Variants in EXOC2 observed in about 807,000 individuals in gnomAD.
EXOC2 encodes SEC5-like 1.
In EXOC2, 70 loss-of-function variants were observed where a neutral mutation model predicts 131.8. That is an observed-to-expected ratio of 0.53 (90% confidence interval 0.44 to 0.65). EXOC2 has a LOEUF of 0.65. Among genes scored for constraint, EXOC2 ranks in the 30% least tolerant of loss-of-function variants. The pLI is 0.00. For synonymous variants in EXOC2, 411 were observed against 398.4 expected (o/e 1.03, Z -0.38); for missense variants, 923 against 1,108.6 (o/e 0.83, Z 2.38).
intron 2 of EXOC2, among the ~76,000 whole-genome samples, chr6:636,650 C>T (rs1396976700): frequency 1.3e-5 from 2 of 152,186 alleles, no homozygotes; most frequent in Non-Finnish European, 2.9e-5. Context: ...ACCTTAGTAA[C>T]AGCTCCGTCA....
chr6:640,099 A>G (rs1364742786), intron 1 of EXOC2, among the ~76,000 whole-genome samples: 3 of 152,220 alleles, frequency 2.0e-5, no homozygotes, highest in Non-Finnish European at 4.4e-5. Flanking sequence ...CTCCAGGTGT[A>G]GTGTTTGATT....
At chr6:593,074 G>C (rs188818345) in intron 10 of EXOC2, among the ~76,000 whole-genome samples, 1 of 152,092 alleles carries the variant, frequency 6.6e-6, no homozygotes, top group East Asian at 1.9e-4. Context: ...ATAAACAGCA[G>C]AGCTTTAAAA....
At chr6:497,113 A>T (rs1763788505) in intron 25 of EXOC2, among the ~76,000 whole-genome samples, 1 of 152,220 alleles carries the variant, frequency 6.6e-6, no homozygotes, top group African/African-American at 2.4e-5. Flanking sequence ...AAAATCACAA[A>T]ACTTTTGAAG....
At chr6:655,858 G>A in intron 1 of EXOC2, 1 of 338,180 alleles carries the variant, frequency 3.0e-6, no homozygotes, top group Non-Finnish European at 5.4e-6. Flanking sequence ...CCGAAAAAAA[G>A]AGTTGAAGAA....
intron 22 of EXOC2, among the ~76,000 whole-genome samples, chr6:534,826 A>G (rs750800632): frequency 1.4e-4 from 22 of 152,202 alleles, no homozygotes; most frequent in Non-Finnish European, 2.8e-4. Flanking sequence ...CTCTTTCTCT[A>G]GTATCTATAA....
At chr6:526,206 GTTTT>G (rs1184827071) in intron 23 of EXOC2, among the ~76,000 whole-genome samples, 1 of 152,112 alleles carries the variant, frequency 6.6e-6, no homozygotes, top group African/African-American at 2.4e-5. Flanking sequence ...TGACGGAATA[GTTTT>G]TTTCTCTGTA....
rs1933648 is a variant in EXOC2 at position 673,893 on chromosome 6, G to A, written c.-44+19126C>T. 1.2e-3 allele frequency among the ~76,000 whole-genome samples: 187 copies of A among 152,164 alleles called. 1 individual carries two copies. The East Asian group carries it at 0.025, about 21-fold the overall frequency. On this transcript the variant is annotated intron_variant, in intron 1 of 27. Transcript: ENST00000230449. ...TGCTGAGACACTTGCTTAATACAGGGTTACCACAAACCTTCATTTTGCTTT... is the reference window on the plus strand; with the variant it reads ...TGCTGAGACACTTGCTTAATACAGGATTACCACAAACCTTCATTTTGCTTT...
At chr6:597,873 C>T in intron 10 of EXOC2, 148 bp downstream of exon 10, 1 of 587,140 alleles carries the variant, frequency 1.7e-6, no homozygotes, top group Non-Finnish European at 3.0e-6. Context: ...TGTCCTACGC[C>T]AGATAACCCT....
intron 4 of EXOC2, among the ~76,000 whole-genome samples, chr6:622,790 T>G (rs144245504): frequency 6.6e-6 from 1 of 152,238 alleles, no homozygotes; most frequent in Non-Finnish European, 1.5e-5. Flanking sequence ...TACTGAACAA[T>G]GTAAACCAGC....
At chr6:651,497 T>C (rs1762828745) in intron 1 of EXOC2, among the ~76,000 whole-genome samples, 1 of 150,736 alleles carries the variant, frequency 6.6e-6, no homozygotes, top group Non-Finnish European at 1.5e-5. Context: ...CTAATAAAAA[T>C]ACAAAAATTA....
intron 16 of EXOC2, among the ~76,000 whole-genome samples, chr6:563,677 T>C (rs1757817253): frequency 6.6e-6 from 1 of 152,222 alleles, no homozygotes; most frequent in Non-Finnish European, 1.5e-5. Flanking sequence ...TGATTGGACA[T>C]TGATTTCTGT....
chr6:667,860 CCCATCCATCCATCCATCCATCCAT>C (rs200385451), intron 1 of EXOC2, among the ~76,000 whole-genome samples: 8 of 114,102 alleles, frequency 7.0e-5, no homozygotes, highest in East Asian at 6.9e-4. Context: ...TAAATCCCCT[CCCATCCATCCATCCATCCATCCAT>C]CCATCCATCC....
chr6:658,104 T>C lies in EXOC2; in HGVS notation c.-43-20243A>G, dbSNP rs143575809. 5.2e-3 allele frequency among the ~76,000 whole-genome samples: 793 copies of C among 152,262 alleles called. 3 individuals are homozygous for C. Among genetic ancestry groups the C allele is most frequent in the African/African-American group, 0.018 (737 of 41,512 alleles). On this transcript the variant is annotated intron_variant, in intron 1 of 27. Coordinates refer to ENST00000230449, the MANE Select transcript of EXOC2 (RefSeq NM_018303.6). ...GTTGTTTGACTCAGTTGAAATCTTT[T>C]TTGGAGTACCGAATGCCTAGCTGAT...
At position 619,507 on chromosome 6, in the gene EXOC2, G is replaced by A. The variant is rs61760959; in HGVS notation, c.459C>T (p.Phe153=). Residue 153 remains phenylalanine (F), a synonymous_variant, in exon 5 of 28, where the codon TTC becomes TTT. Coordinates refer to ENST00000230449, the MANE Select transcript of EXOC2 (RefSeq NM_018303.6). Reference sequence around the variant, plus strand: ...TTGTAAAATCAGCACTCATTCCATGGAATAGCATTTCTAAGTCCTTCTGCG... The same window carrying A: ...TTGTAAAATCAGCACTCATTCCATGAAATAGCATTTCTAAGTCCTTCTGCG... The part of the protein sequence containing the change: ...KFSQKDLEML[F]HGMSADFTSE... 2.2e-3 allele frequency: 3,566 copies of A among 1,613,958 alleles called. 10 individuals are homozygous for A. Among genetic ancestry groups the A allele is most frequent in the Middle Eastern group, 2.8e-3 (17 of 6,062 alleles).
At position 658,665 on chromosome 6, in the gene EXOC2, ATT is replaced by A. The variant is rs10657323; in HGVS notation, c.-43-20806_-43-20805del. On this transcript the variant is annotated intron_variant, in intron 1 of 27. Coordinates refer to ENST00000230449, the MANE Select transcript of EXOC2 (RefSeq NM_018303.6). ...ATATTTTATATATATATATATATAT[ATT>A]TTTTTTTTTTTTAGACGAAGTCTTG... Among the ~76,000 whole-genome samples the A allele has an allele frequency of 2.6e-3, 302 of 114,920 alleles. 1 individual carries two copies. Among genetic ancestry groups the A allele is most frequent in the Middle Eastern group, 0.012 (3 of 242 alleles). The allele number at this position is 114,920 out of a possible 152,430, so 75.4% of individuals were successfully genotyped here. A position where few individuals can be genotyped will look rare whatever the true frequency, so the allele number is the denominator to read the frequency against.
intron 17 of EXOC2, 54 bp downstream of exon 17, chr6:562,730 T>C (rs1757763901): frequency 5.6e-6 from 7 of 1,261,006 alleles, no homozygotes; most frequent in Non-Finnish European, 7.7e-6. Context: ...TATGATAAAC[T>C]ATTTATTTTA....
intron 23 of EXOC2, among the ~76,000 whole-genome samples, chr6:501,656 TATATC>T (rs1265924380): frequency 9.0e-6 from 1 of 111,538 alleles, no homozygotes; most frequent in Non-Finnish European, 1.7e-5. Flanking sequence ...TATAGATAGA[TATATC>T]TATCTATAAA....
intron 1 of EXOC2, among the ~76,000 whole-genome samples, chr6:643,633 G>A (rs906820443): frequency 1.3e-5 from 2 of 151,334 alleles, no homozygotes; most frequent in South Asian, 4.2e-4. Context: ...GAAAAATAAG[G>A]GCTAAATAAA....
intron 12 of EXOC2, 120 bp downstream of exon 12, chr6:576,637 T>A: frequency 8.8e-7 from 1 of 1,131,862 alleles, no homozygotes. Flanking sequence ...AAAGCGATGA[T>A]GGCTGATAAT....
Sources: gnomAD v4.1 joint callset for allele counts (sites outside exome capture counted in the v4.1 genomes callset) on GRCh38, gnomAD v4.1.1 for gene constraint, MANE v1.5 for transcripts, NCBI Gene and HGNC (gene_info 2026-07-23, HGNC 2026-07-21) for gene names.